Variants in MAML2 observed in about 807,000 individuals in gnomAD.
MAML2 encodes mastermind-like protein 2.
In MAML2, 22 loss-of-function variants were observed where a neutral mutation model predicts 96.1. That is an observed-to-expected ratio of 0.23 (90% CI 0.16 to 0.33). The LOEUF (loss-of-function observed/expected upper bound fraction) is 0.33, where lower values mean the gene tolerates loss of function less well. Among genes scored for constraint, MAML2 ranks in the 10% least tolerant of loss-of-function variants. The pLI, the probability that MAML2 is intolerant of heterozygous loss-of-function variation, is 1.00. For missense variants in MAML2, 1,367 were observed against 1,392.4 expected, an observed-to-expected ratio of 0.98 and a Z score of 0.29; for synonymous variants, 561 against 521.3, an observed-to-expected ratio of 1.08 and a Z score of -1.04.
intron 1 of MAML2, among the ~76,000 whole-genome samples, chr11:96,336,464 T>A (rs1227189864): frequency 6.6e-6 from 1 of 152,218 alleles, no homozygotes; most frequent in Admixed American, 6.5e-5. Flanking sequence ...TAGCTGTATT[T>A]CTCCTTATTC....
intron 1 of MAML2, among the ~76,000 whole-genome samples, chr11:96,246,817 C>T (rs1303354301): frequency 1.3e-5 from 2 of 152,072 alleles, no homozygotes; most frequent in South Asian, 2.1e-4. Context: ...CTGAGGAAAC[C>T]GTTGTGGACA....
chr11:96,159,782 A>C (rs777560368), intron 1 of MAML2, among the ~76,000 whole-genome samples: 20 of 152,148 alleles, frequency 1.3e-4, no homozygotes, highest in African/African-American at 7.2e-5. Flanking sequence ...GCTAAAGTAC[A>C]GCTTACGCTG....
intron 1 of MAML2, among the ~76,000 whole-genome samples, chr11:96,175,601 T>TG (rs976579196): frequency 1.6e-4 from 24 of 152,304 alleles, no homozygotes; most frequent in African/African-American, 4.6e-4. Context: ...TGTTTTGTTT[T>TG]TTTTTAGATG....
intron 1 of MAML2, among the ~76,000 whole-genome samples, chr11:96,103,034 G>A (rs1210911048): frequency 6.6e-6 from 1 of 152,104 alleles, no homozygotes; most frequent in African/African-American, 2.4e-5. Context: ...CCTTTTGCTT[G>A]GAGGGCCCAG....
intron 2 of MAML2, among the ~76,000 whole-genome samples, chr11:96,030,679 G>A (rs374404531): frequency 6.6e-6 from 1 of 152,150 alleles, no homozygotes; most frequent in Non-Finnish European, 1.5e-5. Flanking sequence ...GTTTTACTGA[G>A]TGTTCTATAG....
At chr11:96,325,411 CA>C in intron 1 of MAML2, among the ~76,000 whole-genome samples, 1 of 152,254 alleles carries the variant, frequency 6.6e-6, no homozygotes, top group East Asian at 1.9e-4. Context: ...CCATAAACTG[CA>C]AATTTGCTAT....
intron 2 of MAML2, among the ~76,000 whole-genome samples, chr11:96,077,435 G>T (rs1859460199): frequency 6.6e-6 from 1 of 151,794 alleles, no homozygotes; most frequent in Admixed American, 6.6e-5. Flanking sequence ...TGGCCAGGCT[G>T]GTCTTGAACT....
At chr11:96,291,066 A>C (rs1361476970) in intron 1 of MAML2, among the ~76,000 whole-genome samples, 4 of 151,466 alleles carry the variant, frequency 2.6e-5, no homozygotes, top group Admixed American at 2.6e-4. Context: ...AAATAGAATT[A>C]AAGGATTTTC....
At chr11:96,225,698 T>C (rs1175631960) in intron 1 of MAML2, among the ~76,000 whole-genome samples, 1 of 151,978 alleles carries the variant, frequency 6.6e-6, no homozygotes, top group Non-Finnish European at 1.5e-5. Context: ...CTGGGCGTGG[T>C]GGCGGATACC....
intron 1 of MAML2, among the ~76,000 whole-genome samples, chr11:96,319,240 C>A (rs867502026): frequency 2.0e-5 from 3 of 152,206 alleles, no homozygotes; most frequent in South Asian, 2.1e-4. Flanking sequence ...GGAAGCAGAT[C>A]CTCCATCCTC....
intron 1 of MAML2, among the ~76,000 whole-genome samples, chr11:96,252,920 G>A (rs1184752969): frequency 6.6e-6 from 1 of 152,164 alleles, no homozygotes; most frequent in African/African-American, 2.4e-5. Context: ...CTGGTTAAAG[G>A]GCGTAATGGG....
chr11:96,221,505 C>A (rs970128598), intron 1 of MAML2, among the ~76,000 whole-genome samples: 1 of 152,010 alleles, frequency 6.6e-6, no homozygotes, highest in Non-Finnish European at 1.5e-5. Flanking sequence ...AGAGACCCCA[C>A]CTTTAAAATT....
chr11:96,016,309 A>G (rs1858351695), intron 2 of MAML2, among the ~76,000 whole-genome samples: 1 of 152,088 alleles, frequency 6.6e-6, no homozygotes, highest in Non-Finnish European at 1.5e-5. Flanking sequence ...AGCAGAGAGC[A>G]AAAAAGTGAA....
intron 1 of MAML2, among the ~76,000 whole-genome samples, chr11:96,249,277 T>C (rs1302750577): frequency 6.6e-6 from 1 of 152,214 alleles, no homozygotes; most frequent in African/African-American, 2.4e-5. Context: ...CCTCTAGATA[T>C]TGGAGTGTTA....
intron 2 of MAML2, among the ~76,000 whole-genome samples, chr11:96,035,619 C>A (rs991572858): frequency 1.3e-5 from 2 of 152,176 alleles, no homozygotes; most frequent in Admixed American, 6.5e-5. Flanking sequence ...AGCAAGAGAT[C>A]ATGAGATCTC....
intron 1 of MAML2, among the ~76,000 whole-genome samples, chr11:96,244,261 A>G (rs545801974): frequency 6.6e-6 from 1 of 152,370 alleles, no homozygotes; most frequent in South Asian, 2.1e-4. Flanking sequence ...ATTTGACTGC[A>G]CACAACAATG....
In MAML2 at chr11:96,343,062, AAGT is replaced by A; in HGVS notation, c.-1170_-1168del. The A allele has an allele frequency of 2.5e-6, 1 of 398,278 alleles. No individual in the cohort carries two copies. The highest frequency in any genetic ancestry group is 4.4e-6 in the Non-Finnish European group (1 of 225,890). 24.7% of individuals were successfully genotyped at this position (398,278 alleles called of 1,614,324 possible). ...GCTCCGCTTTATAGATGGAAAAAAAAAGTAGCTTGTATTTTCCTTTCTCTTTCT... is the reference window on the plus strand; with the variant it reads ...GCTCCGCTTTATAGATGGAAAAAAAAAGCTTGTATTTTCCTTTCTCTTTCT... On this transcript the variant is annotated 5_prime_UTR_variant, in exon 1 of 5. Transcript: ENST00000524717.
intron 4 of MAML2, among the ~76,000 whole-genome samples, chr11:95,980,966 A>G (rs530819257): frequency 6.6e-6 from 1 of 152,294 alleles, no homozygotes; most frequent in South Asian, 2.1e-4. Context: ...CTCTTTCTGA[A>G]TAATGCCCAC....
chr11:96,139,061 A>G (rs1174276267), intron 1 of MAML2, among the ~76,000 whole-genome samples: 1 of 152,226 alleles, frequency 6.6e-6, no homozygotes, highest in Non-Finnish European at 1.5e-5. Context: ...CCTTACAAGG[A>G]AGATATGCCA....
Sources: gnomAD v4.1 joint callset for allele counts (sites outside exome capture counted in the v4.1 genomes callset) on GRCh38, gnomAD v4.1.1 for gene constraint, MANE v1.5 for transcripts, NCBI Gene and HGNC (gene_info 2026-07-23, HGNC 2026-07-21) for gene names.